The following CEP128 variants were observed in gnomAD, a reference collection of about 807,000 sequenced individuals.
CEP128 encodes centrosomal protein 128, also known as centrosomal protein 128kDa.
CEP128 carries 132 observed loss-of-function variants against 156.7 expected under a neutral mutation model. The observed-to-expected ratio is 0.84, with a 90% confidence interval of 0.73 to 0.97. The LOEUF (loss-of-function observed/expected upper bound fraction) is 0.97. Among genes scored for constraint, CEP128 ranks in the 50% least tolerant of loss-of-function variants. The pLI is 0.00. For missense variants in CEP128, 1,252 were observed against 1,281.9 expected (o/e 0.98, Z 0.36); for synonymous variants, 469 against 448.9 (o/e 1.04, Z -0.57).
intron 19 of CEP128, among the ~76,000 whole-genome samples, chr14:80,618,057 T>G (rs1208953296): frequency 1.3e-5 from 2 of 152,210 alleles, no homozygotes; most frequent in African/African-American, 2.4e-5. Context: ...TCCTAAGACA[T>G]GGTAAGCATT....
At chr14:80,913,325 G>A (rs1004071933) in intron 4 of CEP128, among the ~76,000 whole-genome samples, 2 of 152,140 alleles carry the variant, frequency 1.3e-5, no homozygotes. Context: ...CGGTATAACT[G>A]TTCAAAACAA....
In CEP128 at chr14:80,679,514, T is replaced by G. The variant is rs373884577; in HGVS notation, c.2806+63561A>C. Reference sequence around the variant, plus strand: ...TCTCCCACAGTACCCTCAGGCTTACTAGGGTGGGGAAAAATCCCACCCTGG... The same window carrying G: ...TCTCCCACAGTACCCTCAGGCTTACGAGGGTGGGGAAAAATCCCACCCTGG... On this transcript the variant is annotated intron_variant, in intron 19 of 24. Coordinates refer to ENST00000555265, the MANE Select transcript of CEP128 (RefSeq NM_152446.5). 3.0e-4 allele frequency among the ~76,000 whole-genome samples: 46 copies of G among 152,240 alleles called. 1 individual carries two copies. In the East Asian group the frequency reaches 8.1e-3, roughly 27 times the overall value.
At chr14:80,879,885 T>G (rs1888452113) in intron 8 of CEP128, among the ~76,000 whole-genome samples, 1 of 152,180 alleles carries the variant, frequency 6.6e-6, no homozygotes, top group African/African-American at 2.4e-5. Context: ...CTAATCACGC[T>G]GTCAAAAATC....
chr14:80,603,129 A>C (rs1440194622), intron 19 of CEP128, among the ~76,000 whole-genome samples: 1 of 152,146 alleles, frequency 6.6e-6, no homozygotes, highest in Non-Finnish European at 1.5e-5. Context: ...CTGGCTCTGG[A>C]GTGTGGCCTC....
intron 19 of CEP128, among the ~76,000 whole-genome samples, chr14:80,600,218 G>A (rs112494238): frequency 1.9e-4 from 29 of 152,152 alleles, no homozygotes; most frequent in African/African-American, 6.7e-4. Flanking sequence ...AATTCCCAAA[G>A]GAATTATTTG....
chr14:80,507,427 A>G (rs1014167326), intron 23 of CEP128, among the ~76,000 whole-genome samples: 8 of 152,206 alleles, frequency 5.3e-5, no homozygotes, highest in Non-Finnish European at 7.3e-5. Context: ...GGGCAACTAG[A>G]GGCAGGTAAA....
intron 9 of CEP128, among the ~76,000 whole-genome samples, chr14:80,856,844 C>T (rs1176368092): frequency 9.5e-5 from 14 of 147,506 alleles, no homozygotes. Context: ...TATTCTCGTG[C>T]CTCAGACTCC....
chr14:80,664,653 G>A (rs2140907212), intron 19 of CEP128, among the ~76,000 whole-genome samples: 1 of 152,306 alleles, frequency 6.6e-6, no homozygotes, highest in Admixed American at 6.5e-5. Context: ...CAAAGTGGTA[G>A]AGAAAGGATT....
intron 19 of CEP128, among the ~76,000 whole-genome samples, chr14:80,693,653 A>T (rs559641445): frequency 6.6e-6 from 1 of 152,312 alleles, no homozygotes; most frequent in East Asian, 1.9e-4. Context: ...TCCAATACTA[A>T]GTTATCTAAA....
chr14:80,772,755 T>C (rs1396766512), intron 16 of CEP128, among the ~76,000 whole-genome samples: 1 of 152,094 alleles, frequency 6.6e-6, no homozygotes, highest in African/African-American at 2.4e-5. Flanking sequence ...TCAGTGTGCA[T>C]GGCAGCCCAA....
chr14:80,700,941 C>T (rs1897054364), intron 19 of CEP128, among the ~76,000 whole-genome samples: 1 of 152,122 alleles, frequency 6.6e-6, no homozygotes, highest in Non-Finnish European at 1.5e-5. Flanking sequence ...ATAGGAGAGT[C>T]TGCTCCTTTC....
chr14:80,875,794 A>G (rs979568726), intron 8 of CEP128, among the ~76,000 whole-genome samples: 2 of 152,216 alleles, frequency 1.3e-5, no homozygotes, highest in African/African-American at 2.4e-5. Context: ...AGGGAATTTT[A>G]AAATATGTTC....
chr14:80,634,846 A>C (rs1419678619), intron 19 of CEP128, among the ~76,000 whole-genome samples: 1 of 152,132 alleles, frequency 6.6e-6, no homozygotes, highest in Non-Finnish European at 1.5e-5. Context: ...TCTCTGGTAT[A>C]TTCCCAACAC....
In CEP128 at chr14:80,684,983, T is replaced by A. The variant is rs150544662; in HGVS notation, c.2806+58092A>T. On this transcript the variant is annotated intron_variant, in intron 19 of 24. Coordinates refer to ENST00000555265, the MANE Select transcript of CEP128 (RefSeq NM_152446.5). ...AGAACCATTTATGCCAAACTCACAG[T>A]CAACATCGTGCAGAATGGGCAAAAA... Among the ~76,000 whole-genome samples, 421 of 152,130 alleles carry A rather than the reference T, an allele frequency of 2.8e-3. 1 individual carries two copies. Among genetic ancestry groups the A allele is most frequent in the Middle Eastern group, 0.02 (6 of 294 alleles).
At chr14:80,677,904 C>T (rs1290170992) in intron 19 of CEP128, among the ~76,000 whole-genome samples, 1 of 151,876 alleles carries the variant, frequency 6.6e-6, no homozygotes, top group Non-Finnish European at 1.5e-5. Context: ...ACATCTTTCA[C>T]ATGTTTTTGA....
intron 19 of CEP128, among the ~76,000 whole-genome samples, chr14:80,589,000 T>C (rs1410043085): frequency 6.6e-6 from 1 of 152,086 alleles, no homozygotes; most frequent in Non-Finnish European, 1.5e-5. Flanking sequence ...ATTAAGGTAG[T>C]TAATCAGATA....
chr14:80,494,727 T>C (rs1887434085), downstream of CEP128, among the ~76,000 whole-genome samples: 2 of 152,170 alleles, frequency 1.3e-5, no homozygotes, highest in Admixed American at 6.5e-5. Flanking sequence ...CTTAGTTAAG[T>C]AGGTAGGCAT....
At chr14:80,934,405 G>A (rs1226647018) in intron 2 of CEP128, among the ~76,000 whole-genome samples, 4 of 152,166 alleles carry the variant, frequency 2.6e-5, no homozygotes, top group Non-Finnish European at 4.4e-5. Context: ...TGGATTTAAC[G>A]ATTGGAGCAC....
At chr14:80,780,315 T>C (rs1901037002) in intron 15 of CEP128, among the ~76,000 whole-genome samples, 1 of 152,176 alleles carries the variant, frequency 6.6e-6, no homozygotes, top group Admixed American at 6.5e-5. Flanking sequence ...TGTGATGGCC[T>C]TTGCTCTCAA....
Sources: gnomAD v4.1 joint callset for allele counts (sites outside exome capture counted in the v4.1 genomes callset) on GRCh38, gnomAD v4.1.1 for gene constraint, MANE v1.5 for transcripts, NCBI Gene and HGNC (gene_info 2026-07-23, HGNC 2026-07-21) for gene names.